BRPF1: variants seen among roughly 807,000 people sequenced by gnomAD.
The protein encoded by BRPF1 is peregrin.
Under a neutral mutation model 115.0 loss-of-function variants are expected in BRPF1, and 15 were observed. The observed-to-expected ratio is 0.13, with a 90% CI of 0.09 to 0.20. BRPF1 has a LOEUF of 0.20. Among genes scored for constraint, BRPF1 ranks in the 10% least tolerant of loss-of-function variants. BRPF1 has a pLI of 1.00. For missense variants in BRPF1, 1,118 were observed against 1,638.3 expected, an observed-to-expected ratio of 0.68 and a Z score of 5.48; for synonymous variants, 647 against 619.8, an observed-to-expected ratio of 1.04 and a Z score of -0.65.
intron 5 of BRPF1, 95 bp from the exon 6 acceptor site, chr3:9,741,930 A>G: frequency 6.9e-7 from 1 of 1,443,766 alleles, no homozygotes. Flanking sequence ...GGTGGGAAAG[A>G]AGGCGGGTTC....
chr3:9,734,519 G>A lies in BRPF1; in HGVS notation c.379G>A (p.Glu127Lys), dbSNP rs767614991. Reference sequence around the variant, plus strand: ...GGTGTCAGAGGATGAGGAAGCCCCCGAGGAGGCCCCTGAGAATGGCAGCAA... The same window carrying A: ...GGTGTCAGAGGATGAGGAAGCCCCCAAGGAGGCCCCTGAGAATGGCAGCAA... ...DVVSEDEEAP[E>K]EAPENGSNKE... Residue 127 changes from glutamate (E) to lysine (K), a missense_variant, in exon 2 of 14, where the codon GAG (glutamate) becomes AAG (lysine). Coordinates refer to ENST00000383829, the MANE Select transcript of BRPF1 (RefSeq NM_001003694.2). The surrounding 1 kb of genome is among the most constrained non-coding windows in gnomAD (Gnocchi z 5.7). 10 of 1,613,974 alleles carry A rather than the reference G, an allele frequency of 6.2e-6. No individual in the cohort carries two copies. The East Asian group carries it at 6.7e-5, about 11-fold the overall frequency.
chr3:9,747,315 G>T lies in BRPF1; in HGVS notation c.3629G>T (p.Gly1210Val). 1.2e-6 allele frequency: 2 copies of T among 1,614,208 alleles called. No individual in the cohort carries two copies. Among genetic ancestry groups the T allele is most frequent in the Non-Finnish European group, 1.7e-6 (2 of 1,180,040 alleles). Reference sequence around the variant, plus strand: ...CTGCAGCACCGCAGCAAGGTGCAAGGCGAGCAGAGCAGTGAGACCAGCGAT... The same window carrying T: ...CTGCAGCACCGCAGCAAGGTGCAAGTCGAGCAGAGCAGTGAGACCAGCGAT... ...RALQHRSKVQ[G>V]EQSSETSDSD Residue 1210 changes from glycine (G) to valine (V), a missense_variant, in exon 14 of 14, where the codon GGC (glycine) becomes GTC (valine). This residue lies in a region of BRPF1 where 76 missense variants were observed against 166.1 expected (regional missense o/e 0.46). Transcript: ENST00000383829. The surrounding 1 kb of genome is among the most constrained non-coding windows in gnomAD (Gnocchi z 5.6).
rs577297728 is a variant in BRPF1, at chr3:9,745,419, T to C, written c.3069-154T>C. ...ACCCACCTCTGTTAGGTCATCAGCC[T>C]AGCCCCTGTGGGTGTTTGAATTTGA... is the stretch of plus-strand genomic sequence containing the variant. On this transcript the variant is annotated intron_variant, in intron 10 of 13. Transcript: ENST00000383829. The surrounding 1 kb of genome is among the most constrained non-coding windows in gnomAD (Gnocchi z 5.1). 3.3e-5 allele frequency among the ~76,000 whole-genome samples: 5 copies of C among 152,278 alleles called. No individual in the cohort carries two copies. The highest frequency in any genetic ancestry group is 6.5e-5 in the Admixed American group (1 of 15,294).
chr3:9,743,316 G>A lies in BRPF1; in HGVS notation c.2311+63G>A, dbSNP rs2077063776. 6.5e-7 allele frequency: 1 copy of A among 1,546,576 alleles called. No individual in the cohort carries two copies. ...GCCGGGGATGGACAGCTTTCCAAAA[G>A]TCCCCTCCTGGGAGCAGGCAGTGTA... On this transcript the variant is annotated intron_variant, in intron 7 of 13. Transcript: ENST00000383829. This position sits in a 1 kb window ranked among gnomAD's most constrained non-coding sequence, Gnocchi z 6.1.
intron 12 of BRPF1, 151 bp from the exon 13 acceptor site, chr3:9,746,149 A>T (rs1385005183): frequency 2.5e-6 from 3 of 1,177,664 alleles, no homozygotes; most frequent in Non-Finnish European, 3.6e-6. Flanking sequence ...GAAATAATTT[A>T]GCATGGAAAG....
chr3:9,738,750 C>T (rs1421789119), intron 2 of BRPF1, among the ~76,000 whole-genome samples: 1 of 152,190 alleles, frequency 6.6e-6, no homozygotes, highest in Non-Finnish European at 1.5e-5. Flanking sequence ...GGGTTCACAT[C>T]CCAGCTCCAC....
At chr3:9,733,513 G>A (rs1241597537) in intron 1 of BRPF1, 5 of 152,416 alleles carry the variant, frequency 3.3e-5, no homozygotes, top group African/African-American at 1.2e-4. Flanking sequence ...TGCTGTGGTA[G>A]AGGTGAGAAT....
Position 9,745,772 on chromosome 3 carries a change from C to G in BRPF1, c.3206-40C>G. On this transcript the variant is annotated intron_variant, in intron 11 of 13. Transcript: ENST00000383829. The surrounding 1 kb of genome is among the most constrained non-coding windows in gnomAD (Gnocchi z 5.1). ...CCAGTGTCAGGGTCTCGCCAGCCCCCCAGCTGCTGATCCACCCCCTCTCCC... is the reference window on the plus strand; with the variant it reads ...CCAGTGTCAGGGTCTCGCCAGCCCCGCAGCTGCTGATCCACCCCCTCTCCC... 4 of 1,610,890 alleles carry G rather than the reference C, an allele frequency of 2.5e-6. No individual in the cohort carries two copies. The highest frequency in any genetic ancestry group is 2.5e-6 in the Non-Finnish European group (3 of 1,177,338).
Position 9,743,864 on chromosome 3 carries a change from T to C in BRPF1, c.2598T>C (p.Ser866=), listed in dbSNP as rs2077075774. Reference sequence around the variant, plus strand: ...GTGACAAGGATGGGCAGACAGATAGTGCGGCAGAGGAGAGCAGCAGCCAGG... The same window carrying C: ...GTGACAAGGATGGGCAGACAGATAGCGCGGCAGAGGAGAGCAGCAGCCAGG... The part of the protein sequence containing the change: ...AACDKDGQTD[S]AAEESSSQET... Residue 866 remains serine, a synonymous_variant, in exon 8 of 14, where the codon AGT becomes AGC. Coordinates refer to ENST00000383829, the MANE Select transcript of BRPF1 (RefSeq NM_001003694.2). This position sits in a 1 kb window ranked among gnomAD's most constrained non-coding sequence, Gnocchi z 6.1. 1 of 1,598,460 alleles carries C rather than the reference T, an allele frequency of 6.3e-7. No individual in the cohort carries two copies. Among genetic ancestry groups the C allele is most frequent in the South Asian group, 1.1e-5 (1 of 89,540 alleles).
In BRPF1 at chr3:9,743,720, C is replaced by G. The variant is rs972712135; in HGVS notation, c.2454C>G (p.Ile818Met). The change falls in exon 8 of 14, where the codon ATC becomes ATG. Residue 818 changes from isoleucine (I) to methionine (M), a missense_variant. Coordinates refer to ENST00000383829, the MANE Select transcript of BRPF1 (RefSeq NM_001003694.2). This position sits in a 1 kb window ranked among gnomAD's most constrained non-coding sequence, Gnocchi z 6.1. ...SVGRSRRAKMIKKEMTALRRK... is the reference protein window; with the variant it reads ...SVGRSRRAKMMKKEMTALRRK... ...GCCGCTCACGGCGTGCAAAGATGAT[C>G]AAGAAAGAGATGACGGCACTGCGGC... The G allele has an allele frequency of 1.9e-6, 3 of 1,614,168 alleles. No homozygotes were observed. Among genetic ancestry groups the G allele is most frequent in the East Asian group, 2.2e-5 (1 of 44,890 alleles).
chr3:9,740,545 G>A (rs2077011883), intron 3 of BRPF1, among the ~76,000 whole-genome samples: 1 of 152,166 alleles, frequency 6.6e-6, no homozygotes. Context: ...CCTGATTGCT[G>A]GTGTACAGGG....
Position 9,739,410 on chromosome 3 carries a change from C to A in BRPF1, c.1011C>A (p.Gly337=). The stretch of plus-strand genomic sequence containing the variant: ...ATTGTGCCCTGTGCCCCAACAAGGG[C>A]GGTGCCTTCAAGCAGACAGATGACG... The part of the protein sequence containing the change: ...AVDCALCPNK[G]GAFKQTDDGR... Residue 337 remains glycine (G), a synonymous_variant, in exon 3 of 14, where the codon GGC becomes GGA. Coordinates refer to ENST00000383829, the MANE Select transcript of BRPF1 (RefSeq NM_001003694.2). The A allele has an allele frequency of 6.2e-7, 1 of 1,614,172 alleles. No individual in the cohort carries two copies. The highest frequency in any genetic ancestry group is 8.5e-7 in the Non-Finnish European group (1 of 1,180,032).
rs1191619905 is a variant in BRPF1 at position 9,741,034 on chromosome 3, T to TA, written c.1722+94dup. The TA allele has an allele frequency of 1.8e-5, 24 of 1,364,040 alleles. No homozygotes were observed. In the Middle Eastern group the frequency reaches 6.1e-4, roughly 35 times the overall value. The allele number at this position is 1,364,040 out of a possible 1,614,324, so 84.5% of individuals were successfully genotyped here. A position where few individuals can be genotyped will look rare whatever the true frequency, so the allele number is the denominator to read the frequency against. Reference sequence around the variant, plus strand: ...CTGTAGTTTCCAGTGTCAGAGGGCTTAGACTCTTTCCTCCTTTAAGCTAGC... The same window carrying TA: ...CTGTAGTTTCCAGTGTCAGAGGGCTTAAGACTCTTTCCTCCTTTAAGCTAGC... On this transcript the variant is annotated intron_variant, in intron 4 of 13. Coordinates refer to ENST00000383829, the MANE Select transcript of BRPF1 (RefSeq NM_001003694.2).
At chr3:9,746,558 C>A in intron 13 of BRPF1, 104 bp downstream of exon 13, 1 of 1,348,634 alleles carries the variant, frequency 7.4e-7, no homozygotes, top group Non-Finnish European at 9.8e-7. Flanking sequence ...ACTGGGCTAT[C>A]ACAAGTCAGT....
rs1302508837 is a variant in BRPF1, at chr3:9,747,052, TC to T, written c.3480-113del. ...AACAGTCCTTTGAGGGCAGGGACCATCACAGAGTCTGGCCAGAGTGGGTGCT... is the reference window on the plus strand; with the variant it reads ...AACAGTCCTTTGAGGGCAGGGACCATACAGAGTCTGGCCAGAGTGGGTGCT... On this transcript the variant is annotated intron_variant, in intron 13 of 13. Transcript: ENST00000383829. The surrounding 1 kb of genome is among the most constrained non-coding windows in gnomAD (Gnocchi z 5.6). The T allele has an allele frequency of 1.7e-6, 2 of 1,161,014 alleles. No individual in the cohort carries two copies. Among genetic ancestry groups the T allele is most frequent in the Non-Finnish European group, 2.5e-6 (2 of 789,708 alleles). 71.9% of individuals were successfully genotyped at this position (1,161,014 alleles called of 1,614,324 possible).
At chr3:9,733,157 T>C (rs1372520725) in intron 1 of BRPF1, 2 of 152,236 alleles carry the variant, frequency 1.3e-5, no homozygotes, top group Non-Finnish European at 2.9e-5. Context: ...ACCTCAGTTT[T>C]CACTTTGTTT....
At position 9,744,246 on chromosome 3, in the gene BRPF1, A is replaced by C. The variant is rs752763553; in HGVS notation, c.2658A>C (p.Ser886=). Residue 886 remains serine (S), a synonymous_variant, in exon 9 of 14, where the codon TCA becomes TCC. Transcript: ENST00000383829. The stretch of plus-strand genomic sequence containing the variant: ...CAGGCCTGGGTCCCAACATGTCCTC[A>C]ACCCCCGCACATGAGGTGGGCAGGA... ...TSKGLGPNMS[S]TPAHEVGRRT... 1.0e-5 allele frequency: 16 copies of C among 1,554,804 alleles called. 3 individuals carry two copies. In the South Asian group the frequency reaches 1.9e-4, roughly 19 times the overall value.
rs1043645510 is a variant in BRPF1 at position 9,744,254 on chromosome 3, C to T, written c.2666C>T (p.Ala889Val). The T allele has an allele frequency of 6.3e-7, 1 of 1,575,750 alleles. No homozygotes were observed. The highest frequency in any genetic ancestry group is 8.6e-7 in the Non-Finnish European group (1 of 1,160,742). Residue 889 changes from alanine (A) to valine (V), a missense_variant, in exon 9 of 14, where the codon GCA becomes GTA. Physicochemically the swap from Ala to Val is moderately conservative, Grantham distance 64 (BLOSUM62 0). Transcript: ENST00000383829. Reference sequence around the variant, plus strand: ...GGTCCCAACATGTCCTCAACCCCCGCACATGAGGTGGGCAGGAGAACCTCA... The same window carrying T: ...GGTCCCAACATGTCCTCAACCCCCGTACATGAGGTGGGCAGGAGAACCTCA... ...GLGPNMSSTP[A>V]HEVGRRTSVL...
chr3:9,745,424 C>T lies in BRPF1; in HGVS notation c.3069-149C>T. On this transcript the variant is annotated intron_variant, in intron 10 of 13. Transcript: ENST00000383829. This position sits in a 1 kb window ranked among gnomAD's most constrained non-coding sequence, Gnocchi z 5.1. ...CCTCTGTTAGGTCATCAGCCTAGCC[C>T]CTGTGGGTGTTTGAATTTGAAATTC... 9.7e-7 allele frequency: 1 copy of T among 1,036,012 alleles called. No homozygotes were observed. The highest frequency in any genetic ancestry group is 1.4e-6 in the Non-Finnish European group (1 of 701,990). 64.2% of individuals were successfully genotyped at this position (1,036,012 alleles called of 1,614,324 possible). A position where few individuals can be genotyped will look rare whatever the true frequency, so the allele number is the denominator to read the frequency against.
Sources: gnomAD v4.1 joint callset for allele counts (sites outside exome capture counted in the v4.1 genomes callset) on GRCh38, gnomAD v4.1.1 for gene constraint, gnomAD v4.1.1 regional missense constraint, Gnocchi (gnomAD v3.1) non-coding constraint, MANE v1.5 for transcripts, NCBI Gene and HGNC (gene_info 2026-07-23, HGNC 2026-07-21) for gene names.